PPHLN1: variants seen among roughly 807,000 people sequenced by gnomAD.
PPHLN1 encodes periphilin 1.
PPHLN1 carries 29 observed loss-of-function variants against 51.3 expected under a neutral mutation model. The observed-to-expected ratio is 0.57, with a 90% CI of 0.42 to 0.77. The LOEUF (loss-of-function observed/expected upper bound fraction) is 0.77, where lower values mean the gene tolerates loss of function less well. Ranked by LOEUF, PPHLN1 falls within the 30% of genes least tolerant of loss-of-function variation. PPHLN1 has a pLI of 0.00. For synonymous variants in PPHLN1, 147 were observed against 147.8 expected, an observed-to-expected ratio of 0.99 and a Z score of 0.04; for missense variants, 436 against 438.4, an observed-to-expected ratio of 0.99 and a Z score of 0.05.
In PPHLN1 at chr12:42,375,057, A is replaced by T; in HGVS notation, c.494A>T (p.His165Leu). 6.2e-7 allele frequency: 1 copy of T among 1,609,764 alleles called. No homozygotes were observed. The highest frequency in any genetic ancestry group is 8.5e-7 in the Non-Finnish European group (1 of 1,176,612). ...GAAAGGAGCAAATCATACTCTTTCC[A>T]TCAGTCTCAACATAGAAGTATGTAT... ...SPERSKSYSF[H>L]QSQHRKSVRP... is the part of the protein sequence containing the mutation. Residue 165 changes from histidine (H) to leucine (L), a missense_variant, in exon 5 of 10, where the codon CAT becomes CTT. His to Leu is a moderately conservative substitution (Grantham distance 99). Transcript: ENST00000358314.
intron 2 of PPHLN1, among the ~76,000 whole-genome samples, chr12:42,345,627 A>G (rs1445314050): frequency 6.6e-6 from 1 of 150,656 alleles, no homozygotes; most frequent in Non-Finnish European, 1.5e-5. Flanking sequence ...ATATATTAAT[A>G]TTTATATTAG....
intron 9 of PPHLN1, among the ~76,000 whole-genome samples, chr12:42,422,400 A>T (rs1442730427): frequency 1.3e-5 from 2 of 152,232 alleles, no homozygotes; most frequent in Non-Finnish European, 2.9e-5. Flanking sequence ...ACATGAGCAC[A>T]TGGTAATTTT....
downstream of PPHLN1, chr12:42,446,119 T>TCGTCCC (rs1351460148): frequency 1.3e-6 from 2 of 1,560,904 alleles, no homozygotes; most frequent in Non-Finnish European, 1.7e-6. Context: ...AGAAACGGGT[T>TCGTCCC]CGTCGGACGA....
intron 1 of PPHLN1, among the ~76,000 whole-genome samples, chr12:42,335,383 C>CT (rs1056660636): frequency 2.0e-5 from 3 of 151,964 alleles, no homozygotes; most frequent in South Asian, 2.1e-4. Context: ...TCTTTTAACA[C>CT]TTTTTTCAGT....
intron 5 of PPHLN1, among the ~76,000 whole-genome samples, chr12:42,378,077 T>G (rs1046334411): frequency 8.4e-5 from 10 of 119,042 alleles, no homozygotes; most frequent in East Asian, 7.5e-4. Flanking sequence ...CATCTAGCTA[T>G]CTATCTATCT....
intron 7 of PPHLN1, among the ~76,000 whole-genome samples, chr12:42,392,033 G>A (rs1376448850): frequency 2.6e-5 from 4 of 152,078 alleles, no homozygotes; most frequent in Admixed American, 6.6e-5. Flanking sequence ...CCTGGCCAAC[G>A]TGGTGAAATC....
chr12:42,375,257 A>G, intron 5 of PPHLN1, 183 bp downstream of exon 5: 2 of 464,982 alleles, frequency 4.3e-6, no homozygotes, highest in Non-Finnish European at 7.5e-6. Flanking sequence ...TTTTTTTCAA[A>G]CTATTTGAAG....
At chr12:42,395,701 G>T (rs2078141545) in intron 8 of PPHLN1, among the ~76,000 whole-genome samples, 1 of 152,094 alleles carries the variant, frequency 6.6e-6, no homozygotes. Context: ...GTATGTGTGT[G>T]TGTGCATGTG....
chr12:42,384,311 T>C (rs748941262), intron 5 of PPHLN1, among the ~76,000 whole-genome samples: 2 of 152,120 alleles, frequency 1.3e-5, no homozygotes, highest in Non-Finnish European at 2.9e-5. Context: ...GTCATTGTTA[T>C]GGAGTTTGTA....
At chr12:42,427,994 A>T (rs1209837037) in intron 9 of PPHLN1, among the ~76,000 whole-genome samples, 2 of 152,222 alleles carry the variant, frequency 1.3e-5, no homozygotes, top group East Asian at 3.8e-4. Flanking sequence ...TGGCCAAAAA[A>T]TATATGAAAA....
rs2073895316 is a variant in PPHLN1 at position 42,355,239 on chromosome 12, A to G, written c.299+17A>G. 1 of 1,604,906 alleles carries G rather than the reference A, an allele frequency of 6.2e-7. No individual in the cohort carries two copies. Among genetic ancestry groups the G allele is most frequent in the Admixed American group, 1.7e-5 (1 of 59,962 alleles). ...TGAATACAGGTAAAAGGATAAAAATAATAGCATAAGTACTTTGATACTTGA... is the reference window on the plus strand; with the variant it reads ...TGAATACAGGTAAAAGGATAAAAATGATAGCATAAGTACTTTGATACTTGA... On this transcript the variant is annotated intron_variant, in intron 4 of 9. Coordinates refer to ENST00000358314, the MANE Select transcript of PPHLN1 (RefSeq NM_201439.2).
intron 9 of PPHLN1, among the ~76,000 whole-genome samples, chr12:42,426,230 C>CA (rs1414627621): frequency 4.1e-3 from 327 of 80,362 alleles, no homozygotes; most frequent in African/African-American, 0.017. Flanking sequence ...ACACACACAC[C>CA]CTCATGCATT....
intron 1 of PPHLN1, chr12:42,332,741 G>T: frequency 7.9e-7 from 1 of 1,258,678 alleles, no homozygotes; most frequent in Non-Finnish European, 1.1e-6. Context: ...AGTAGTTATT[G>T]TTACATTTTT....
chr12:42,365,272 T>C (rs1452664920), intron 4 of PPHLN1, among the ~76,000 whole-genome samples: 1 of 152,236 alleles, frequency 6.6e-6, no homozygotes, highest in African/African-American at 2.4e-5. Context: ...ATTCTTGAAA[T>C]CGTAATTCTT....
intron 6 of PPHLN1, among the ~76,000 whole-genome samples, chr12:42,385,873 G>T (rs981022758): frequency 6.6e-6 from 1 of 152,198 alleles, no homozygotes; most frequent in African/African-American, 2.4e-5. Flanking sequence ...GGTGTAATGG[G>T]ATACACTGAC....
intron 2 of PPHLN1, among the ~76,000 whole-genome samples, chr12:42,346,312 A>G (rs2072316593): frequency 6.6e-6 from 1 of 151,858 alleles, no homozygotes; most frequent in Non-Finnish European, 1.5e-5. Flanking sequence ...TAAATTCCAC[A>G]TATAAATGAT....
chr12:42,382,699 A>ATT (rs1290066822), intron 5 of PPHLN1, among the ~76,000 whole-genome samples: 1 of 152,240 alleles, frequency 6.6e-6, no homozygotes, highest in African/African-American at 2.4e-5. Context: ...CAACACTCAC[A>ATT]TTTAAGGAAC....
intron 9 of PPHLN1, among the ~76,000 whole-genome samples, chr12:42,435,745 A>G (rs2082426395): frequency 6.6e-6 from 1 of 152,116 alleles, no homozygotes; most frequent in South Asian, 2.1e-4. Flanking sequence ...GCTCCTTTAA[A>G]AGTTGTAAGC....
chr12:42,426,229 C>CACACACACACACACACA (rs1491123459), intron 9 of PPHLN1, among the ~76,000 whole-genome samples: 1 of 137,978 alleles, frequency 7.2e-6, no homozygotes, highest in African/African-American at 2.7e-5. Flanking sequence ...CACACACACA[C>CACACACACACACACACA]CCTCATGCAT....
Sources: allele counts gnomAD v4.1 joint callset (sites outside exome capture counted in the v4.1 genomes callset), GRCh38; gene constraint gnomAD v4.1.1; transcripts MANE v1.5; gene names NCBI Gene and HGNC (gene_info 2026-07-23, HGNC 2026-07-21).